IQGAP1: variants seen among roughly 807,000 people sequenced by gnomAD.
IQGAP1 encodes the protein ras GTPase-activating-like protein IQGAP1.
Under a neutral mutation model 215.6 loss-of-function variants are expected in IQGAP1, and 66 were observed. The ratio of observed to expected loss-of-function variants is 0.31; its 90% CI spans 0.25 to 0.38. The LOEUF (loss-of-function observed/expected upper bound fraction) is 0.38. Ranked by LOEUF, IQGAP1 falls within the 10% of genes least tolerant of loss-of-function variation. The pLI is 1.00. For synonymous variants in IQGAP1, 772 were observed against 728.7 expected, an observed-to-expected ratio of 1.06 and a Z score of -0.96; for missense variants, 1,712 against 1,997.1, an observed-to-expected ratio of 0.86 and a Z score of 2.72.
chr15:90,491,687 C>G (rs1221161166), intron 34 of IQGAP1, 142 bp downstream of exon 34: 1 of 678,658 alleles, frequency 1.5e-6, no homozygotes, highest in Non-Finnish European at 2.5e-6. Flanking sequence ...ATCTGACTCT[C>G]CAGCATGAGG....
At chr15:90,478,213 A>G (rs1567139577) in intron 26 of IQGAP1, among the ~76,000 whole-genome samples, 1 of 151,854 alleles carries the variant, frequency 6.6e-6, no homozygotes. Context: ...CTGGTCTCGA[A>G]CTCCTGACCT....
At chr15:90,438,421 T>C (rs1001570121) in intron 5 of IQGAP1, among the ~76,000 whole-genome samples, 2 of 152,226 alleles carry the variant, frequency 1.3e-5, no homozygotes, top group African/African-American at 4.8e-5. Flanking sequence ...GAATGAGCCC[T>C]GTATTGTCCC....
intron 5 of IQGAP1, among the ~76,000 whole-genome samples, chr15:90,438,152 G>A (rs1028913907): frequency 6.6e-6 from 1 of 152,144 alleles, no homozygotes; most frequent in African/African-American, 2.4e-5. Flanking sequence ...TACAAAAACT[G>A]TATACCACTT....
intron 35 of IQGAP1, 141 bp downstream of exon 35, chr15:90,492,852 C>T (rs772554465): frequency 5.5e-5 from 37 of 673,102 alleles, no homozygotes; most frequent in Non-Finnish European, 8.6e-5. Flanking sequence ...TACCTCTAAT[C>T]ATTTGTGTAA....
intron 26 of IQGAP1, among the ~76,000 whole-genome samples, chr15:90,479,929 G>GCATT (rs1354281921): frequency 1.3e-5 from 2 of 152,126 alleles, no homozygotes; most frequent in African/African-American, 4.8e-5. Flanking sequence ...GCAACCCAGG[G>GCATT]CATTCCTTGC....
intron 2 of IQGAP1, among the ~76,000 whole-genome samples, chr15:90,408,119 C>T (rs1245756946): frequency 6.6e-6 from 1 of 152,208 alleles, no homozygotes; most frequent in Non-Finnish European, 1.5e-5. Context: ...GTCTTGTTCT[C>T]TGTGCTCCTT....
chr15:90,442,133 T>G (rs1261369894), intron 8 of IQGAP1, among the ~76,000 whole-genome samples: 1 of 152,216 alleles, frequency 6.6e-6, no homozygotes, highest in Non-Finnish European at 1.5e-5. Context: ...TCTTTCCTCT[T>G]TCCCAGATTC....
intron 26 of IQGAP1, 34 bp from the exon 27 acceptor site, chr15:90,481,926 C>G: frequency 6.2e-7 from 1 of 1,611,976 alleles, no homozygotes; most frequent in Non-Finnish European, 8.5e-7. Context: ...GGCTGTTAGT[C>G]TAACATAGTT....
chr15:90,478,915 C>A lies in IQGAP1; in HGVS notation c.3329+1026C>A, dbSNP rs78128146. ...AGCTGAGCTAGGGCCATAGCGTAAC[C>A]ACCAACATTCATTTATCTAAAGCAA... On this transcript the variant is annotated intron_variant, in intron 26 of 37. Coordinates refer to ENST00000268182, the MANE Select transcript of IQGAP1 (RefSeq NM_003870.4). Among the ~76,000 whole-genome samples the A allele has an allele frequency of 7.4e-3, 1,128 of 152,308 alleles. 8 individuals carry two copies. Among genetic ancestry groups the A allele is most frequent in the Non-Finnish European group, 0.011 (755 of 68,032 alleles).
rs142561533 is a variant in IQGAP1 at position 90,438,205 on chromosome 15, G to T, written c.468-1127G>T. On this transcript the variant is annotated intron_variant, in intron 5 of 37. Coordinates refer to ENST00000268182, the MANE Select transcript of IQGAP1 (RefSeq NM_003870.4). ...TTTCTTATATATTTCTTATTTCCCT[G>T]CTTACTTTAAACTGTCAATATCTTG... Among the ~76,000 whole-genome samples, 12 of 152,154 alleles carry T rather than the reference G, an allele frequency of 7.9e-5. No homozygotes were observed. In the East Asian group the frequency reaches 2.3e-3, roughly 29 times the overall value.
intron 2 of IQGAP1, among the ~76,000 whole-genome samples, chr15:90,395,510 CGG>C (rs1964703870): frequency 6.6e-6 from 1 of 152,050 alleles, no homozygotes; most frequent in Non-Finnish European, 1.5e-5. Flanking sequence ...TTAGTAGAGA[CGG>C]GGTTTCACCG....
rs890102860 is a variant in IQGAP1, at chr15:90,429,601, C to T, written c.325C>T (p.His109Tyr). 2.5e-6 allele frequency: 4 copies of T among 1,597,712 alleles called. No individual in the cohort carries two copies. Among genetic ancestry groups the T allele is most frequent in the Non-Finnish European group, 3.4e-6 (4 of 1,175,264 alleles). ...TTTTTTTTTCTAGGCGACTGGCCTC[C>T]ACTTTAGACACACTGATAATGTGAT... ...EQTRYKATGL[H>Y]FRHTDNVIQW... is the part of the protein sequence containing the mutation. Residue 109 changes from histidine (H) to tyrosine (Y), a missense_variant, in exon 4 of 38, where the codon CAC becomes TAC. Coordinates refer to ENST00000268182, the MANE Select transcript of IQGAP1 (RefSeq NM_003870.4).
rs754943262 is a variant in IQGAP1 at position 90,483,532 on chromosome 15, G to C, written c.3727G>C (p.Gly1243Arg). ...TGCTGCTTCCAATAAGATGTTTCTG[G>C]GAGATAATGCCCACTTAAGCATCAT... is the stretch of plus-strand genomic sequence containing the variant. ...QHAASNKMFL[G>R]DNAHLSIINE... The change falls in exon 29 of 38, where the codon GGA becomes CGA. Residue 1243 changes from glycine (G) to arginine (R), a missense_variant. Physicochemically the swap from Gly to Arg is moderately radical, Grantham distance 125. Coordinates refer to ENST00000268182, the MANE Select transcript of IQGAP1 (RefSeq NM_003870.4). The C allele has an allele frequency of 1.2e-6, 2 of 1,614,162 alleles. No homozygotes were observed. Among genetic ancestry groups the C allele is most frequent in the Non-Finnish European group, 1.7e-6 (2 of 1,180,032 alleles).
Position 90,414,938 on chromosome 15 carries a change from C to T in IQGAP1, c.156-11172C>T, listed in dbSNP as rs189449466. On this transcript the variant is annotated intron_variant, in intron 2 of 37. Coordinates refer to ENST00000268182, the MANE Select transcript of IQGAP1 (RefSeq NM_003870.4). ...TCATCTTTTATGTAGTCATCCATGC[C>T]GCAAGTCACCAAATCATCTTTTAAA... 2.4e-3 allele frequency among the ~76,000 whole-genome samples: 369 copies of T among 152,216 alleles called. 3 individuals carry two copies. Among genetic ancestry groups the T allele is most frequent in the South Asian group, 2.7e-3 (13 of 4,812 alleles).
chr15:90,424,947 A>AT (rs1965199068), intron 2 of IQGAP1, among the ~76,000 whole-genome samples: 1 of 152,038 alleles, frequency 6.6e-6, no homozygotes, highest in Admixed American at 6.6e-5. Flanking sequence ...GTATATGTAT[A>AT]TTTTTCCAGG....
chr15:90,401,828 A>G (rs1964809192), intron 2 of IQGAP1, among the ~76,000 whole-genome samples: 1 of 152,192 alleles, frequency 6.6e-6, no homozygotes, highest in Non-Finnish European at 1.5e-5. Flanking sequence ...AATAATGACA[A>G]CAGTAGTAAC....
chr15:90,440,160 T>A (rs1965427875), intron 6 of IQGAP1, among the ~76,000 whole-genome samples: 1 of 152,244 alleles, frequency 6.6e-6, no homozygotes, highest in African/African-American at 2.4e-5. Context: ...GATAACTGAC[T>A]TAGTTTGTGA....
chr15:90,393,415 TA>T (rs1964665595), intron 2 of IQGAP1: 1 of 151,872 alleles, frequency 6.6e-6, no homozygotes, highest in Admixed American at 6.5e-5. Flanking sequence ...AAATGCTACA[TA>T]AATAGTTGTT....
At chr15:90,392,102 A>G (rs148896380) in intron 2 of IQGAP1, among the ~76,000 whole-genome samples, 1,803 of 147,922 alleles carry the variant, frequency 0.012, 42 homozygotes, top group African/African-American at 0.041. Flanking sequence ...ACATCGCTAC[A>G]TTTAAAGTCT....
Sources: gnomAD v4.1 joint callset for allele counts (sites outside exome capture counted in the v4.1 genomes callset) on GRCh38, gnomAD v4.1.1 for gene constraint, MANE v1.5 for transcripts, NCBI Gene and HGNC (gene_info 2026-07-23, HGNC 2026-07-21) for gene names.